The following MADCAM1 variants were observed in gnomAD, a reference collection of about 807,000 sequenced individuals.
MADCAM1 encodes mucosal addressin cell adhesion molecule 1.
A neutral mutation model predicts 26.1 loss-of-function variants in MADCAM1; 19 were observed. The ratio of observed to expected loss-of-function variants is 0.73; its 90% CI spans 0.51 to 1.07. The LOEUF (loss-of-function observed/expected upper bound fraction) is 1.07. Ranked by LOEUF, MADCAM1 falls within the 50% of genes least tolerant of loss-of-function variation. MADCAM1 has a pLI of 0.00. For synonymous variants in MADCAM1, 268 were observed against 260.9 expected, an observed-to-expected ratio of 1.03 and a Z score of -0.26; for missense variants, 514 against 542.1, an observed-to-expected ratio of 0.95 and a Z score of 0.51.
intron 1 of MADCAM1, among the ~76,000 whole-genome samples, chr19:497,230 A>G (rs1600383101): frequency 6.5e-5 from 2 of 30,618 alleles, no homozygotes; most frequent in Non-Finnish European, 6.0e-5. Context: ...GACTCAGGAG[A>G]GAGGAGGGGG....
At position 498,063 on chromosome 19, in the gene MADCAM1, G is replaced by A. The variant is rs2145817289; in HGVS notation, c.283G>A (p.Val95Met). Residue 95 changes from valine to methionine, a missense_variant, in exon 2 of 5, where the codon GTG (valine) becomes ATG (methionine). Physicochemically the swap from Val to Met is conservative, Grantham distance 21 (BLOSUM62 1). Around this residue, in one of 3 missense-constraint regions of MADCAM1, gnomAD observed 317 missense variants for 313.6 expected, o/e 1.01. Coordinates refer to ENST00000215637, the MANE Select transcript of MADCAM1 (RefSeq NM_130760.3). The stretch of plus-strand genomic sequence containing the variant: ...GTCGGCGGCCGGGACCCGCGTGTGC[G>A]TGGGCTCCTGCGGGGGCCGCACCTT... ...SLSAAGTRVC[V>M]GSCGGRTFQH... 2 of 1,466,652 alleles carry A rather than the reference G, an allele frequency of 1.4e-6. No individual in the cohort carries two copies. The highest frequency in any genetic ancestry group is 1.8e-6 in the Non-Finnish European group (2 of 1,115,114). 90.9% of individuals were successfully genotyped at this position (1,466,652 alleles called of 1,614,324 possible).
At chr19:498,874 A>G in intron 3 of MADCAM1, 49 bp downstream of exon 3, 1 of 669,348 alleles carries the variant, frequency 1.5e-6, no homozygotes. Context: ...CAGCCTTGAC[A>G]AGCACTTCGG....
chr19:500,145 G>A (rs2145819773), intron 3 of MADCAM1: 3 of 456,180 alleles, frequency 6.6e-6, no homozygotes, highest in East Asian at 7.0e-5. Flanking sequence ...CTCTCTCCAC[G>A]CCAGCCTCCT....
chr19:499,862 T>G (rs1363957283), intron 3 of MADCAM1: 1 of 455,876 alleles, frequency 2.2e-6, no homozygotes, highest in Non-Finnish European at 4.4e-6. Flanking sequence ...CTTCTCCCAC[T>G]AAAGAAAAAG....
intron 3 of MADCAM1, among the ~76,000 whole-genome samples, chr19:500,877 A>G (rs1978319232): frequency 6.6e-6 from 1 of 151,992 alleles, no homozygotes; most frequent in Non-Finnish European, 1.5e-5. Context: ...CTCAACAACA[A>G]CAACAAATTC....
intron 3 of MADCAM1, chr19:499,338 C>T (rs1416485761): frequency 8.7e-6 from 4 of 457,224 alleles, no homozygotes; most frequent in South Asian, 1.5e-5. Flanking sequence ...CTCCGTGAGG[C>T]TTCCCTGGAT....
intron 4 of MADCAM1, 97 bp from the exon 5 acceptor site, chr19:504,648 C>G: frequency 1.2e-6 from 1 of 824,120 alleles, no homozygotes; most frequent in Non-Finnish European, 1.9e-6. Context: ...AACGTGGTAA[C>G]TTTGGAAGCA....
intron 4 of MADCAM1, among the ~76,000 whole-genome samples, chr19:503,443 T>C (rs1166488498): frequency 4.7e-5 from 7 of 148,378 alleles, no homozygotes; most frequent in Non-Finnish European, 8.9e-5. Flanking sequence ...TAGCCGGGCG[T>C]GGCAGCGGGC....
chr19:498,078 G>T lies in MADCAM1; in HGVS notation c.298G>T (p.Gly100Cys). 1.4e-6 allele frequency: 2 copies of T among 1,452,022 alleles called. No homozygotes were observed. The highest frequency in any genetic ancestry group is 1.8e-6 in the Non-Finnish European group (2 of 1,108,246). The allele number at this position is 1,452,022 out of a possible 1,614,324, so 89.9% of individuals were successfully genotyped here. The change falls in exon 2 of 5, where the codon GGC becomes TGC. Residue 100 changes from glycine (G) to cysteine (C), a missense_variant. Physicochemically the swap from Gly to Cys is radical, Grantham distance 159 (BLOSUM62 -3). Around this residue, in one of 3 missense-constraint regions of MADCAM1, gnomAD observed 317 missense variants for 313.6 expected, o/e 1.01. Coordinates refer to ENST00000215637, the MANE Select transcript of MADCAM1 (RefSeq NM_130760.3). ...CCGCGTGTGCGTGGGCTCCTGCGGG[G>T]GCCGCACCTTCCAGCACACCGTGCA... ...GTRVCVGSCG[G>C]RTFQHTVQLL... is the part of the protein sequence containing the mutation.
intron 4 of MADCAM1, 61 bp downstream of exon 4, chr19:501,990 G>A: frequency 1.4e-6 from 2 of 1,408,696 alleles, no homozygotes; most frequent in Non-Finnish European, 1.9e-6. Flanking sequence ...AGGTTCCTTG[G>A]ATGAAGACTT....
chr19:502,416 C>T (rs1232954207), intron 4 of MADCAM1, among the ~76,000 whole-genome samples: 3 of 152,042 alleles, frequency 2.0e-5, no homozygotes, highest in Non-Finnish European at 4.4e-5. Flanking sequence ...ATTCTCCTGC[C>T]TCAGCCTCCT....
intron 3 of MADCAM1, chr19:500,192 G>A (rs1037668371): frequency 1.8e-5 from 8 of 456,128 alleles, no homozygotes; most frequent in African/African-American, 8.0e-5. Flanking sequence ...CATAATAAAC[G>A]CGGGACCCAC....
intron 2 of MADCAM1, 130 bp downstream of exon 2, chr19:498,247 G>A: frequency 9.7e-7 from 1 of 1,031,668 alleles, no homozygotes; most frequent in Non-Finnish European, 1.3e-6. Flanking sequence ...CCCGAAGCCA[G>A]GTCCCCGGCC....
chr19:499,800 T>C (rs1378182315), intron 3 of MADCAM1: 1 of 456,296 alleles, frequency 2.2e-6, no homozygotes, highest in South Asian at 1.5e-5. Flanking sequence ...TGTGGGCCGG[T>C]GCCCTGGCGG....
At position 503,562 on chromosome 19, in the gene MADCAM1, C is replaced by CAG. The variant is rs1486783543; in HGVS notation, c.929-1182_929-1181dup. Among the ~76,000 whole-genome samples, 9 of 128,672 alleles carry CAG rather than the reference C, an allele frequency of 7.0e-5. No individual in the cohort carries two copies. The South Asian group carries it at 7.5e-4, about 11-fold the overall frequency. The allele number at this position is 128,672 out of a possible 152,430, so 84.4% of individuals were successfully genotyped here. Reference sequence around the variant, plus strand: ...CGCCACTGCACTCCAACCTGGGAGACAGCAAGACTCCGTCTCAAAAAAAAA... The same window carrying CAG: ...CGCCACTGCACTCCAACCTGGGAGACAGAGCAAGACTCCGTCTCAAAAAAAAA... On this transcript the variant is annotated intron_variant, in intron 4 of 4. Transcript: ENST00000215637.
intron 2 of MADCAM1, 139 bp downstream of exon 2, chr19:498,256 C>A: frequency 2.1e-6 from 2 of 945,388 alleles, no homozygotes; most frequent in Non-Finnish European, 2.8e-6. Context: ...AGGTCCCCGG[C>A]CTTCGCTTCC....
chr19:499,061 G>C (rs1315444290), intron 3 of MADCAM1: 1 of 734,842 alleles, frequency 1.4e-6, no homozygotes. Flanking sequence ...TTGCCTTGGG[G>C]TCAAAGCCCA....
chr19:497,879 G>C lies in MADCAM1; in HGVS notation c.99G>C (p.Pro33=), dbSNP rs956349414. The C allele has an allele frequency of 7.4e-7, 1 of 1,351,556 alleles. No homozygotes were observed. Among genetic ancestry groups the C allele is most frequent in the East Asian group, 3.1e-5 (1 of 32,342 alleles). The allele number at this position is 1,351,556 out of a possible 1,614,324, so 83.7% of individuals were successfully genotyped here. ...VKPLQVEPPE[P]VVAVALGASR... ...CCCTGCAGGTGGAGCCCCCGGAGCC[G>C]GTGGTGGCCGTGGCCTTGGGCGCCT... Residue 33 remains proline, a synonymous_variant, in exon 2 of 5, where the codon CCG becomes CCC. Coordinates refer to ENST00000215637, the MANE Select transcript of MADCAM1 (RefSeq NM_130760.3).
chr19:505,025 G>C lies in MADCAM1; in HGVS notation c.*60G>C. 7.7e-7 allele frequency: 1 copy of C among 1,305,948 alleles called. No homozygotes were observed. The highest frequency in any genetic ancestry group is 2.3e-5 in the Admixed American group (1 of 42,570). 80.9% of individuals were successfully genotyped at this position (1,305,948 alleles called of 1,614,324 possible). A position where few individuals can be genotyped will look rare whatever the true frequency, so the allele number is the denominator to read the frequency against. On this transcript the variant is annotated 3_prime_UTR_variant, in exon 5 of 5. Coordinates refer to ENST00000215637, the MANE Select transcript of MADCAM1 (RefSeq NM_130760.3). The stretch of plus-strand genomic sequence containing the variant: ...CTTGGACCCCTTCAAGTTGAGAACT[G>C]GTCAGGGCAAACCTGCCTCCCATTC...
Sources: allele counts gnomAD v4.1 joint callset (sites outside exome capture counted in the v4.1 genomes callset), GRCh38; gene constraint gnomAD v4.1.1; regional missense constraint gnomAD v4.1.1; transcripts MANE v1.5; gene names NCBI Gene and HGNC (gene_info 2026-07-23, HGNC 2026-07-21).